Variants in KDELR3 observed in about 807,000 individuals in gnomAD.
The protein encoded by KDELR3 is ER lumen protein-retaining receptor 3.
A neutral mutation model predicts 22.7 loss-of-function variants in KDELR3; 26 were observed. That is an observed-to-expected ratio of 1.15 (90% confidence interval 0.84 to 1.59). KDELR3 has a LOEUF of 1.59. Among genes scored for constraint, KDELR3 ranks in the 40% most tolerant of loss-of-function variants. KDELR3 has a pLI of 0.00. For missense variants in KDELR3, 289 were observed against 251.1 expected (o/e 1.15, Z -1.02); for synonymous variants, 120 against 98.2 (o/e 1.22, Z -1.31).
rs554707955 is a variant in KDELR3 at position 38,469,237 on chromosome 22, G to C, written c.91+913G>C. 2.0e-5 allele frequency among the ~76,000 whole-genome samples: 3 copies of C among 152,358 alleles called. No homozygotes were observed. The East Asian group carries it at 5.8e-4, about 29-fold the overall frequency. ...AGGCATGGAGGTCACCAAGCACCGG[G>C]CATCCCCCGGGAAGGGTGGGCAGCC... On this transcript the variant is annotated intron_variant, in intron 1 of 4. Coordinates refer to ENST00000216014, the MANE Select transcript of KDELR3 (RefSeq NM_006855.4).
At chr22:38,481,165 CTCT>C in intron 3 of KDELR3, 44 bp from the exon 4 acceptor site, 2 of 1,509,216 alleles carry the variant, frequency 1.3e-6, no homozygotes, top group Non-Finnish European at 1.8e-6. Flanking sequence ...TAAGATGGGC[CTCT>C]TCTTGGTCTT....
At chr22:38,473,262 A>AAAT (rs965661545) in intron 1 of KDELR3, among the ~76,000 whole-genome samples, 9 of 151,736 alleles carry the variant, frequency 5.9e-5, no homozygotes, top group Non-Finnish European at 1.5e-5. Context: ...GTCTCTACAA[A>AAAT]AATAATAATA....
intron 2 of KDELR3, among the ~76,000 whole-genome samples, chr22:38,475,231 T>C (rs947741164): frequency 1.3e-5 from 2 of 152,144 alleles, no homozygotes; most frequent in African/African-American, 4.8e-5. Context: ...ATCCCAGCAC[T>C]TTGGGAGGCC....
intron 2 of KDELR3, among the ~76,000 whole-genome samples, chr22:38,476,875 T>C: frequency 1.0e-5 from 1 of 98,674 alleles, no homozygotes; most frequent in African/African-American, 4.0e-5. Context: ...GGCACGATCT[T>C]GGCTCACTGC....
At chr22:38,474,289 T>G in intron 1 of KDELR3, 1 of 413,762 alleles carries the variant, frequency 2.4e-6, no homozygotes, top group Non-Finnish European at 4.4e-6. Context: ...TTCGTGTCTT[T>G]ATTTGGAGAC....
At chr22:38,478,014 C>T (rs879311018) in intron 2 of KDELR3, among the ~76,000 whole-genome samples, 8 of 152,180 alleles carry the variant, frequency 5.3e-5, no homozygotes, top group South Asian at 2.1e-4. Context: ...GACCTTGCCA[C>T]GGAGTCCTCT....
intron 2 of KDELR3, among the ~76,000 whole-genome samples, chr22:38,475,636 T>A (rs1447645960): frequency 1.3e-5 from 2 of 152,206 alleles, no homozygotes; most frequent in African/African-American, 4.8e-5. Flanking sequence ...CTTTCTGTTT[T>A]TTTAAGACGG....
chr22:38,476,942 C>T (rs932788132), intron 2 of KDELR3, among the ~76,000 whole-genome samples: 4 of 150,570 alleles, frequency 2.7e-5, no homozygotes, highest in Non-Finnish European at 5.9e-5. Flanking sequence ...CAGAATCTAG[C>T]TCTGTCGCCC....
At chr22:38,476,008 C>T (rs893784089) in intron 2 of KDELR3, among the ~76,000 whole-genome samples, 1 of 152,198 alleles carries the variant, frequency 6.6e-6, no homozygotes, top group African/African-American at 2.4e-5. Flanking sequence ...TCATGGCTCA[C>T]TGCCTCAACT....
At chr22:38,477,492 C>T (rs1043564469) in intron 2 of KDELR3, among the ~76,000 whole-genome samples, 8 of 152,180 alleles carry the variant, frequency 5.3e-5, no homozygotes, top group Admixed American at 1.3e-4. Flanking sequence ...CGAGAGCCAC[C>T]GTGCCTGGCC....
chr22:38,473,630 A>G (rs1172185311), intron 1 of KDELR3, among the ~76,000 whole-genome samples: 1 of 152,138 alleles, frequency 6.6e-6, no homozygotes, highest in African/African-American at 2.4e-5. Context: ...ATATTGTTTG[A>G]TTTTTGTTTT....
chr22:38,478,048 C>T (rs2089571738), intron 2 of KDELR3, among the ~76,000 whole-genome samples: 1 of 152,092 alleles, frequency 6.6e-6, no homozygotes, highest in Admixed American at 6.5e-5. Context: ...TGGACTTGTA[C>T]CTAGACATTT....
chr22:38,476,978 C>T (rs1300396960), intron 2 of KDELR3, among the ~76,000 whole-genome samples: 3 of 151,622 alleles, frequency 2.0e-5, no homozygotes, highest in Non-Finnish European at 4.4e-5. Flanking sequence ...GGCGCGATCT[C>T]GGCTCATTGC....
chr22:38,473,222 A>G (rs2089535750), intron 1 of KDELR3, among the ~76,000 whole-genome samples: 1 of 152,168 alleles, frequency 6.6e-6, no homozygotes, highest in Non-Finnish European at 1.5e-5. Context: ...CAGGAGTTTG[A>G]GACCAGGCTG....
rs891870656 is a variant in KDELR3, at chr22:38,483,411, G to C, written c.*875G>C. The C allele has an allele frequency of 6.6e-6, 1 of 152,208 alleles. No individual in the cohort carries two copies. Among genetic ancestry groups the C allele is most frequent in the African/African-American group, 2.4e-5 (1 of 41,434 alleles). The allele number at this position is 152,208 out of a possible 1,614,324, so 9.4% of individuals were successfully genotyped here. On this transcript the variant is annotated 3_prime_UTR_variant, in exon 5 of 5. Transcript: ENST00000216014. ...TAAGACGTCTACGTTGAATTATTCA[G>C]AGAATTAAGCAATAAAAGCTCACAC... is the stretch of plus-strand genomic sequence containing the variant.
At chr22:38,470,780 T>TC (rs1368759213) in intron 1 of KDELR3, among the ~76,000 whole-genome samples, 5 of 152,126 alleles carry the variant, frequency 3.3e-5, no homozygotes, top group Non-Finnish European at 7.3e-5. Context: ...GTCCTCTGTG[T>TC]CCCGGGTCTC....
chr22:38,481,523 A>T (rs764153917), intron 4 of KDELR3, 59 bp downstream of exon 4: 12 of 1,610,728 alleles, frequency 7.5e-6, no homozygotes, highest in Non-Finnish European at 8.5e-6. Flanking sequence ...CATCCATTTA[A>T]TAAGTATTCC....
intron 1 of KDELR3, among the ~76,000 whole-genome samples, chr22:38,473,400 C>T (rs1319705865): frequency 1.3e-5 from 2 of 152,086 alleles, no homozygotes; most frequent in East Asian, 3.9e-4. Flanking sequence ...ATGATTGCAC[C>T]ACTGCACCCC....
chr22:38,469,467 G>A (rs1421809831), intron 1 of KDELR3, among the ~76,000 whole-genome samples: 4 of 152,336 alleles, frequency 2.6e-5, no homozygotes, highest in Non-Finnish European at 4.4e-5. Context: ...CTGGCAGGGT[G>A]GGGGTTGGTG....
Sources: allele counts gnomAD v4.1 joint callset (sites outside exome capture counted in the v4.1 genomes callset), GRCh38; gene constraint gnomAD v4.1.1; transcripts MANE v1.5; gene names NCBI Gene and HGNC (gene_info 2026-07-23, HGNC 2026-07-21).